The following PLEKHA6 variants were observed in gnomAD, a reference collection of about 807,000 sequenced individuals.
The protein encoded by PLEKHA6 is pleckstrin homology domain-containing family A member 6.
Under a neutral mutation model 116.7 loss-of-function variants are expected in PLEKHA6, and 60 were observed. The ratio of observed to expected loss-of-function variants is 0.51; its 90% CI spans 0.42 to 0.64. The LOEUF (loss-of-function observed/expected upper bound fraction) is 0.64. Among genes scored for constraint, PLEKHA6 ranks in the 30% least tolerant of loss-of-function variants. The pLI is 0.00. For missense variants in PLEKHA6, 1,338 were observed against 1,422.7 expected (o/e 0.94, Z 0.96); for synonymous variants, 489 against 556.1 (o/e 0.88, Z 1.70).
intron 15 of PLEKHA6, among the ~76,000 whole-genome samples, chr1:204,244,024 T>A (rs1263769902): frequency 6.6e-6 from 1 of 151,338 alleles, no homozygotes; most frequent in East Asian, 1.9e-4. Flanking sequence ...GGTTTCACTG[T>A]GTTAGCCAGG....
chr1:204,260,940 G>C (rs950164544), intron 7 of PLEKHA6, among the ~76,000 whole-genome samples: 1 of 152,220 alleles, frequency 6.6e-6, no homozygotes, highest in Non-Finnish European at 1.5e-5. Context: ...CTACAGCCAA[G>C]TGGACAAGGT....
chr1:204,331,199 CAAAAAAAAAA>C (rs5780231), intron 1 of PLEKHA6, among the ~76,000 whole-genome samples: 1 of 75,822 alleles, frequency 1.3e-5, no homozygotes, highest in Non-Finnish European at 2.6e-5. Flanking sequence ...GACTCTGTCT[CAAAAAAAAAA>C]AAAAAAAAAA....
At chr1:204,272,227 C>A (rs555379291) in intron 3 of PLEKHA6, among the ~76,000 whole-genome samples, 98 of 152,256 alleles carry the variant, frequency 6.4e-4, no homozygotes, top group South Asian at 1.7e-3. Context: ...CACTCCCTAG[C>A]CTCACACGCC....
At chr1:204,302,878 A>G (rs1367366649) in intron 1 of PLEKHA6, among the ~76,000 whole-genome samples, 1 of 150,856 alleles carries the variant, frequency 6.6e-6, no homozygotes, top group Non-Finnish European at 1.5e-5. Context: ...CTCCATCTCA[A>G]AGAAAAAGAA....
intron 1 of PLEKHA6, among the ~76,000 whole-genome samples, chr1:204,312,841 A>ATTTTCTATTC: frequency 7.1e-6 from 1 of 140,500 alleles, no homozygotes; most frequent in African/African-American, 2.7e-5. Context: ...CCCTTAGCCC[A>ATTTTCTATTC]TTTTCTTTTC....
chr1:204,300,529 C>T (rs1303414977), intron 1 of PLEKHA6, among the ~76,000 whole-genome samples: 1 of 152,202 alleles, frequency 6.6e-6, no homozygotes, highest in African/African-American at 2.4e-5. Context: ...TCTTCTGAGC[C>T]ATTAGCCTAC....
intron 1 of PLEKHA6, chr1:204,317,301 C>T (rs1671896504): frequency 3.9e-6 from 2 of 514,424 alleles, no homozygotes. Context: ...GAAAGCCTTT[C>T]CTGATTTGAG....
At chr1:204,325,969 C>G in intron 1 of PLEKHA6, 2 of 904,834 alleles carry the variant, frequency 2.2e-6, no homozygotes, top group Non-Finnish European at 1.3e-6. Context: ...GGGGCAGAGT[C>G]CCTCTGCCCA....
intron 1 of PLEKHA6, among the ~76,000 whole-genome samples, chr1:204,335,752 G>A (rs1019735020): frequency 3.3e-5 from 5 of 152,066 alleles, no homozygotes; most frequent in African/African-American, 1.2e-4. Context: ...CCCCGGGGGA[G>A]TGAAAGGGCC....
Position 204,259,740 on chromosome 1 carries a change from G to A in PLEKHA6, c.525C>T (p.Ser175=), listed in dbSNP as rs997490190. 4.4e-6 allele frequency: 7 copies of A among 1,606,690 alleles called. No individual in the cohort carries two copies. Among genetic ancestry groups the A allele is most frequent in the Non-Finnish European group, 6.0e-6 (7 of 1,176,156 alleles). ...QKSVPQAVRH[S]HEKPDSENVP... is the part of the protein sequence containing the mutation. ...CGTTCTCCGAGTCTGGCTTCTCATG[G>A]CTGCAGGATGCCAAGGGAGATGCTG... The change falls in exon 8 of 23, where the codon AGC becomes AGT. Residue 175 remains serine, a splice_region_variant and synonymous_variant. Coordinates refer to ENST00000272203, the MANE Select transcript of PLEKHA6 (RefSeq NM_014935.5). This position sits in a 1 kb window ranked among gnomAD's most constrained non-coding sequence, Gnocchi z 4.6.
intron 1 of PLEKHA6, among the ~76,000 whole-genome samples, chr1:204,293,235 A>G (rs1669953727): frequency 6.6e-6 from 1 of 152,084 alleles, no homozygotes; most frequent in Admixed American, 6.5e-5. Flanking sequence ...CCCAAGTTCA[A>G]GCGATTATCC....
rs371291881 is a variant in PLEKHA6 at position 204,228,222 on chromosome 1, C to T, written c.2892G>A (p.Gln964=). 1 of 1,603,192 alleles carries T rather than the reference C, an allele frequency of 6.2e-7. No individual in the cohort carries two copies. The highest frequency in any genetic ancestry group is 1.3e-5 in the African/African-American group (1 of 74,840). Residue 964 remains glutamine, a synonymous_variant, in exon 21 of 23, where the codon CAG becomes CAA. Transcript: ENST00000272203. This position sits in a 1 kb window ranked among gnomAD's most constrained non-coding sequence, Gnocchi z 4.0. ...IKTLIAKSSM[Q]NVVPIGEGDS... ...CCCCCTCGCCGATGGGCACCACGTT[C>T]TGCATACTGAAGAGGCACAGACACA...
At chr1:204,246,144 C>T (rs745912699) in intron 13 of PLEKHA6, among the ~76,000 whole-genome samples, 2 of 152,176 alleles carry the variant, frequency 1.3e-5, no homozygotes, top group Admixed American at 6.5e-5. Context: ...TCCCAGCGTA[C>T]GCCTGAAGAG....
At chr1:204,263,108 C>G (rs1292104643) in intron 6 of PLEKHA6, among the ~76,000 whole-genome samples, 1 of 152,208 alleles carries the variant, frequency 6.6e-6, no homozygotes, top group African/African-American at 2.4e-5. Context: ...ACTTGAAGAG[C>G]TGACAGTCAC....
At chr1:204,250,406 T>A in intron 10 of PLEKHA6, 140 bp downstream of exon 10, 2 of 670,358 alleles carry the variant, frequency 3.0e-6, no homozygotes, top group Admixed American at 2.2e-5. Context: ...ATCAAAGGTA[T>A]GAAAAGCCAC....
At position 204,223,420 on chromosome 1, in the gene PLEKHA6, C is replaced by T; in HGVS notation, c.*8+42G>A. 1 of 1,118,580 alleles carries T rather than the reference C, an allele frequency of 8.9e-7. No homozygotes were observed. The highest frequency in any genetic ancestry group is 1.3e-6 in the Non-Finnish European group (1 of 751,280). The allele number at this position is 1,118,580 out of a possible 1,614,324, so 69.3% of individuals were successfully genotyped here. Reference sequence around the variant, plus strand: ...GCTCAATGGGGGTGAAGGAAGGGGCCCCACTCCCGAGGTGGATGAAATACA... The same window carrying T: ...GCTCAATGGGGGTGAAGGAAGGGGCTCCACTCCCGAGGTGGATGAAATACA... On this transcript the variant is annotated intron_variant, in intron 22 of 22. Transcript: ENST00000272203. This position sits in a 1 kb window ranked among gnomAD's most constrained non-coding sequence, Gnocchi z 4.8.
At chr1:204,356,244 G>C (rs1424752521) in intron 1 of PLEKHA6, among the ~76,000 whole-genome samples, 1 of 152,110 alleles carries the variant, frequency 6.6e-6, no homozygotes, top group African/African-American at 2.4e-5. Flanking sequence ...AAATTGAAAA[G>C]GTATATAATG....
At chr1:204,334,521 A>G (rs1003547432) in intron 1 of PLEKHA6, among the ~76,000 whole-genome samples, 12 of 152,218 alleles carry the variant, frequency 7.9e-5, no homozygotes, top group African/African-American at 2.9e-4. Context: ...ACATGTATAC[A>G]TTGTGAAATG....
At position 204,329,921 on chromosome 1, in the gene PLEKHA6, GTTTCTTC is replaced by G. The variant is rs552853625; in HGVS notation, c.-95+29766_-95+29772del. Among the ~76,000 whole-genome samples the G allele has an allele frequency of 5.3e-5, 8 of 151,356 alleles. No homozygotes were observed. The South Asian group carries it at 1.7e-3, about 32-fold the overall frequency. On this transcript the variant is annotated intron_variant, in intron 1 of 22. Transcript: ENST00000272203. ...AAAAAAAGAGAAGACATATAATCCAGTTTCTTCAGAAGAGAGAGAGAGAACACCTACA... is the reference window on the plus strand; with the variant it reads ...AAAAAAAGAGAAGACATATAATCCAGAGAAGAGAGAGAGAGAACACCTACA...
Sources: gnomAD v4.1 joint callset for allele counts (sites outside exome capture counted in the v4.1 genomes callset) on GRCh38, gnomAD v4.1.1 for gene constraint, Gnocchi (gnomAD v3.1) non-coding constraint, MANE v1.5 for transcripts, NCBI Gene and HGNC (gene_info 2026-07-23, HGNC 2026-07-21) for gene names.